The following PAPPA2 variants were observed in gnomAD, a reference collection of about 807,000 sequenced individuals.
PAPPA2 encodes the protein pappalysin-2.
In PAPPA2, 86 loss-of-function variants were observed where a neutral mutation model predicts 176.4. The ratio of observed to expected loss-of-function variants is 0.49; its 90% CI spans 0.41 to 0.58. The LOEUF (loss-of-function observed/expected upper bound fraction) is 0.58, where lower values mean the gene tolerates loss of function less well. PAPPA2 is among the 20% of genes least tolerant of loss of function. The pLI, the probability that PAPPA2 is intolerant of heterozygous loss-of-function variation, is 0.00. For synonymous variants in PAPPA2, 809 were observed against 852.2 expected (o/e 0.95, Z 0.88); for missense variants, 2,073 against 2,256.9 (o/e 0.92, Z 1.65).
chr1:176,680,081 A>T (rs1659507869), intron 4 of PAPPA2, among the ~76,000 whole-genome samples: 1 of 152,202 alleles, frequency 6.6e-6, no homozygotes, highest in African/African-American at 2.4e-5. Flanking sequence ...ATTAAAAGTA[A>T]TCGGGTCTAA....
chr1:176,583,978 C>T (rs1364514839), intron 2 of PAPPA2, among the ~76,000 whole-genome samples: 1 of 152,098 alleles, frequency 6.6e-6, no homozygotes, highest in African/African-American at 2.4e-5. Flanking sequence ...TTGTTTGCAC[C>T]CAGGGAGTTG....
At chr1:176,639,543 G>A (rs899117779) in intron 3 of PAPPA2, among the ~76,000 whole-genome samples, 3 of 151,944 alleles carry the variant, frequency 2.0e-5, no homozygotes, top group African/African-American at 7.2e-5. Context: ...TCTAAGTTCC[G>A]TCTTTCTTCC....
chr1:176,675,248 A>G (rs1270906037), intron 4 of PAPPA2, among the ~76,000 whole-genome samples: 2 of 152,218 alleles, frequency 1.3e-5, no homozygotes, highest in African/African-American at 4.8e-5. Flanking sequence ...AAAAGCCTCT[A>G]TGATTGTTCA....
intron 1 of PAPPA2, among the ~76,000 whole-genome samples, chr1:176,485,227 C>A (rs1652592674): frequency 6.6e-6 from 1 of 152,152 alleles, no homozygotes; most frequent in Admixed American, 6.5e-5. Context: ...CTGCTTAAAG[C>A]CCTCCAGTGA....
chr1:176,472,798 C>T (rs561709255), intron 1 of PAPPA2, among the ~76,000 whole-genome samples: 19 of 152,214 alleles, frequency 1.2e-4, no homozygotes, highest in Non-Finnish European at 2.2e-4. Context: ...CTAAGGGTTA[C>T]ATTTTTAAAT....
chr1:176,711,724 T>G, intron 11 of PAPPA2, 111 bp from the exon 12 acceptor site: 1 of 1,215,202 alleles, frequency 8.2e-7, no homozygotes, highest in Non-Finnish European at 1.2e-6. Flanking sequence ...AATGTGATCA[T>G]TAGGCATTCA....
At chr1:176,670,923 G>T in intron 3 of PAPPA2, 47 bp from the exon 4 acceptor site, 1 of 1,610,294 alleles carries the variant, frequency 6.2e-7, no homozygotes. Flanking sequence ...TATTCTCTAA[G>T]TACCAATTCT....
At position 176,556,794 on chromosome 1, in the gene PAPPA2, G is replaced by A. The variant is rs770668241; in HGVS notation, c.472G>A (p.Gly158Ser). Residue 158 changes from glycine to serine, a missense_variant, in exon 2 of 23, where the codon GGT becomes AGT. This residue lies in a region of PAPPA2 where 1,196 missense variants were observed against 1,330.4 expected (regional missense o/e 0.90). Coordinates refer to ENST00000367662, the MANE Select transcript of PAPPA2 (RefSeq NM_020318.3). ...CAATCAAAGATCCAAGGAGTCTCTA[G>A]GTGAGGCCGGGATTCAGAAAGGCTC... ...LGNQRSKESLGEAGIQKGSAM... is the reference protein window; with the variant it reads ...LGNQRSKESLSEAGIQKGSAM... The A allele has an allele frequency of 6.2e-7, 1 of 1,614,164 alleles. No individual in the cohort carries two copies. Among genetic ancestry groups the A allele is most frequent in the East Asian group, 2.2e-5 (1 of 44,862 alleles).
At chr1:176,607,143 C>T (rs562715300) in intron 3 of PAPPA2, among the ~76,000 whole-genome samples, 21 of 152,022 alleles carry the variant, frequency 1.4e-4, no homozygotes, top group African/African-American at 4.1e-4. Flanking sequence ...ATGTATAGAA[C>T]GTGTAATGAT....
In PAPPA2 at chr1:176,837,761, T is replaced by C. The variant is rs536353281; in HGVS notation, c.5203-2412T>C. Among the ~76,000 whole-genome samples the C allele has an allele frequency of 9.2e-5, 14 of 152,322 alleles. No homozygotes were observed. The East Asian group carries it at 2.5e-3, about 27-fold the overall frequency. ...AGAGTGATATCCTAAGACTGACATC[T>C]TTCAGTTATTGAAATTAAAATTTTC... On this transcript the variant is annotated intron_variant, in intron 21 of 22. Coordinates refer to ENST00000367662, the MANE Select transcript of PAPPA2 (RefSeq NM_020318.3).
intron 3 of PAPPA2, chr1:176,616,739 C>T: frequency 7.5e-7 from 1 of 1,332,856 alleles, no homozygotes; most frequent in Non-Finnish European, 1.1e-6. Context: ...TAGGAAATCT[C>T]ATGTTCTTGT....
At position 176,555,512 on chromosome 1, in the gene PAPPA2, A is replaced by G. The variant is rs1651226455; in HGVS notation, c.-811A>G. The G allele has an allele frequency of 1.3e-5, 2 of 152,232 alleles. No homozygotes were observed. Among genetic ancestry groups the G allele is most frequent in the African/African-American group, 4.8e-5 (2 of 41,440 alleles). 9.4% of individuals were successfully genotyped at this position (152,232 alleles called of 1,614,324 possible). ...AGAACTTTACGGAGACTTGCAACCT[A>G]TCAACAAGTTGGATGAGGGATTAAA... On this transcript the variant is annotated 5_prime_UTR_variant, in exon 2 of 23. Coordinates refer to ENST00000367662, the MANE Select transcript of PAPPA2 (RefSeq NM_020318.3).
chr1:176,739,539 C>A, intron 12 of PAPPA2, 87 bp from the exon 13 acceptor site: 2 of 1,366,724 alleles, frequency 1.5e-6, no homozygotes, highest in Non-Finnish European at 2.0e-6. Flanking sequence ...AAATAGTGAG[C>A]TCTCTAAGAA....
intron 1 of PAPPA2, among the ~76,000 whole-genome samples, chr1:176,500,596 G>A (rs1032802981): frequency 2.6e-5 from 4 of 151,038 alleles, no homozygotes; most frequent in African/African-American, 9.7e-5. Context: ...ACTCTTTACT[G>A]TTTGCAATAA....
chr1:176,777,330 G>A (rs1466540862), intron 17 of PAPPA2, among the ~76,000 whole-genome samples: 2 of 152,082 alleles, frequency 1.3e-5, no homozygotes, highest in Non-Finnish European at 2.9e-5. Flanking sequence ...GTGAACTTTT[G>A]GTCCGCATGA....
chr1:176,819,467 CT>C (rs142412278), intron 21 of PAPPA2, among the ~76,000 whole-genome samples: 9,499 of 152,196 alleles, frequency 0.062, 365 homozygotes, highest in Non-Finnish European at 0.086. Flanking sequence ...CACTTCTTGC[CT>C]TTATTCTCTT....
At chr1:176,468,414 C>T (rs1651722775) in intron 1 of PAPPA2, among the ~76,000 whole-genome samples, 1 of 152,184 alleles carries the variant, frequency 6.6e-6, no homozygotes. Context: ...CCACATCAAT[C>T]AACTGAGCAA....
intron 1 of PAPPA2, among the ~76,000 whole-genome samples, chr1:176,529,542 G>A (rs1649689314): frequency 6.6e-6 from 1 of 152,076 alleles, no homozygotes; most frequent in African/African-American, 2.4e-5. Context: ...CTGGGGCAAG[G>A]GGAGGAGGAG....
chr1:176,773,385 G>A (rs1025804775), intron 17 of PAPPA2, among the ~76,000 whole-genome samples: 2 of 152,124 alleles, frequency 1.3e-5, no homozygotes, highest in Admixed American at 6.6e-5. Flanking sequence ...GTACAAATGA[G>A]GCCCTCAACT....
Sources: allele counts gnomAD v4.1 joint callset (sites outside exome capture counted in the v4.1 genomes callset), GRCh38; gene constraint gnomAD v4.1.1; regional missense constraint gnomAD v4.1.1; transcripts MANE v1.5; gene names NCBI Gene and HGNC (gene_info 2026-07-23, HGNC 2026-07-21).